The following MYRIP variants were observed in gnomAD, a reference collection of about 807,000 sequenced individuals.
The protein encoded by MYRIP is myosin VIIA and Rab interacting protein, also known as rab effector MyRIP.
In MYRIP, 49 loss-of-function variants were observed where a neutral mutation model predicts 98.0. The ratio of observed to expected loss-of-function variants is 0.50; its 90% confidence interval spans 0.40 to 0.63. The LOEUF (loss-of-function observed/expected upper bound fraction) is 0.63, where lower values mean the gene tolerates loss of function less well. Ranked by LOEUF, MYRIP falls within the 30% of genes least tolerant of loss-of-function variation. The pLI is 0.00. For synonymous variants in MYRIP, 404 were observed against 409.5 expected (o/e 0.99, Z 0.16); for missense variants, 1,004 against 1,058.2 (o/e 0.95, Z 0.71).
intron 3 of MYRIP, among the ~76,000 whole-genome samples, chr3:40,086,020 A>G (rs927375268): frequency 2.0e-5 from 3 of 152,224 alleles, no homozygotes; most frequent in Non-Finnish European, 4.4e-5. Flanking sequence ...ACCACTACAG[A>G]AAGTATATAA....
In MYRIP at chr3:39,877,414, C is replaced by T. The variant is rs570515170; in HGVS notation, c.-30-23373C>T. Among the ~76,000 whole-genome samples the T allele has an allele frequency of 3.5e-3, 532 of 152,076 alleles. 1 individual carries two copies. The highest frequency in any genetic ancestry group is 6.8e-3 in the Middle Eastern group (2 of 294). Reference sequence around the variant, plus strand: ...CTGCGTTCCTTTGGAGGAGGAGAGGCGCTCTGCTTTTTAGAGTTTCCAGTT... The same window carrying T: ...CTGCGTTCCTTTGGAGGAGGAGAGGTGCTCTGCTTTTTAGAGTTTCCAGTT... On this transcript the variant is annotated intron_variant, in intron 1 of 16. Coordinates refer to ENST00000302541, the MANE Select transcript of MYRIP (RefSeq NM_015460.4).
In MYRIP at chr3:40,104,974, C is replaced by A. The variant is rs540848772; in HGVS notation, c.333-46074C>A. ...TCTTCCCTCAGCCCTATCCCACCCC[C>A]TAAAACCATTTTTAACTGTTTCACT... On this transcript the variant is annotated intron_variant, in intron 3 of 16. Coordinates refer to ENST00000302541, the MANE Select transcript of MYRIP (RefSeq NM_015460.4). 2.0e-5 allele frequency among the ~76,000 whole-genome samples: 3 copies of A among 152,216 alleles called. No individual in the cohort carries two copies. In the South Asian group the frequency reaches 6.2e-4, roughly 32 times the overall value.
At chr3:40,119,704 T>C (rs1374807465) in intron 3 of MYRIP, among the ~76,000 whole-genome samples, 2 of 151,606 alleles carry the variant, frequency 1.3e-5, no homozygotes, top group African/African-American at 2.4e-5. Flanking sequence ...CATTCATAGG[T>C]GGGAATTGAA....
chr3:40,034,724 T>C (rs1016783039), intron 2 of MYRIP, among the ~76,000 whole-genome samples: 9 of 151,770 alleles, frequency 5.9e-5, no homozygotes, highest in Admixed American at 5.9e-4. Context: ...CATTACTGGG[T>C]ATATACCCAG....
intron 3 of MYRIP, among the ~76,000 whole-genome samples, chr3:40,056,636 C>T (rs1161332192): frequency 1.3e-5 from 2 of 152,234 alleles, no homozygotes; most frequent in South Asian, 2.1e-4. Flanking sequence ...CATAATTATA[C>T]CACGAGGTAG....
chr3:40,095,657 C>A (rs1044154003), intron 3 of MYRIP, among the ~76,000 whole-genome samples: 1 of 152,098 alleles, frequency 6.6e-6, no homozygotes, highest in African/African-American at 2.4e-5. Flanking sequence ...CAGCCACCCC[C>A]AATGCAGAGA....
At chr3:40,118,690 T>C (rs1949332873) in intron 3 of MYRIP, among the ~76,000 whole-genome samples, 1 of 151,976 alleles carries the variant, frequency 6.6e-6, no homozygotes, top group Admixed American at 6.6e-5. Context: ...GCCATGTTGG[T>C]GTGCTGCACC....
chr3:40,249,034 A>G (rs114717231), intron 13 of MYRIP, among the ~76,000 whole-genome samples: 91 of 152,278 alleles, frequency 6.0e-4, no homozygotes, highest in Non-Finnish European at 1.0e-3. Flanking sequence ...TGACCCTTCA[A>G]TCTTTCTGTG....
At chr3:40,077,574 A>T (rs1948375455) in intron 3 of MYRIP, among the ~76,000 whole-genome samples, 1 of 152,234 alleles carries the variant, frequency 6.6e-6, no homozygotes, top group Non-Finnish European at 1.5e-5. Context: ...CAATTGGTGC[A>T]TTCACAAACC....
intron 1 of MYRIP, among the ~76,000 whole-genome samples, chr3:39,865,863 G>A (rs1018182836): frequency 6.6e-5 from 10 of 152,056 alleles, no homozygotes; most frequent in East Asian, 1.9e-4. Flanking sequence ...ATAAAGACAC[G>A]TACAGGCATA....
chr3:40,135,399 A>C (rs1039115301), intron 3 of MYRIP, among the ~76,000 whole-genome samples: 1 of 152,268 alleles, frequency 6.6e-6, no homozygotes, highest in Non-Finnish European at 1.5e-5. Flanking sequence ...GACCAAATCT[A>C]CATCTGATTG....
intron 1 of MYRIP, among the ~76,000 whole-genome samples, chr3:39,850,783 C>T (rs1371903957): frequency 6.6e-6 from 1 of 152,068 alleles, no homozygotes; most frequent in East Asian, 1.9e-4. Flanking sequence ...TATTGACACA[C>T]TTTTATTACA....
chr3:39,830,792 G>A lies in MYRIP; in HGVS notation c.-31+20876G>A, dbSNP rs554209573. Among the ~76,000 whole-genome samples the A allele has an allele frequency of 5.3e-5, 8 of 151,524 alleles. No homozygotes were observed. The East Asian group carries it at 5.8e-4, about 11-fold the overall frequency. ...TCCCTCTTTAGCTTACTTCCACTCC[G>A]AGCTATGGCTCCCATTTCTTTGCTT... is the stretch of plus-strand genomic sequence containing the variant. On this transcript the variant is annotated intron_variant, in intron 1 of 16. Transcript: ENST00000302541.
intron 12 of MYRIP, among the ~76,000 whole-genome samples, chr3:40,241,857 T>C (rs1953025147): frequency 6.6e-6 from 1 of 152,216 alleles, no homozygotes; most frequent in South Asian, 2.1e-4. Context: ...GGTTATGTTT[T>C]ATAAAGCTAG....
At chr3:39,963,220 A>G (rs1559539381) in intron 2 of MYRIP, among the ~76,000 whole-genome samples, 1 of 152,126 alleles carries the variant, frequency 6.6e-6, no homozygotes, top group African/African-American at 2.4e-5. Flanking sequence ...AGCTGTGCAG[A>G]TTAAATGAGA....
rs187202199 is a variant in MYRIP, at chr3:40,183,919, A to T, written c.1027+1546A>T. Among the ~76,000 whole-genome samples, 10 of 152,374 alleles carry T rather than the reference A, an allele frequency of 6.6e-5. 1 individual carries two copies. The highest frequency in any genetic ancestry group is 2.1e-4 in the South Asian group (1 of 4,828). On this transcript the variant is annotated intron_variant, in intron 9 of 16. Transcript: ENST00000302541. ...AAAATCCATTGTTACGACAGTGCAA[A>T]GAATCAGAAAACATTAAATATTTTT...
intron 11 of MYRIP, among the ~76,000 whole-genome samples, chr3:40,232,318 T>C (rs1293788361): frequency 1.3e-5 from 2 of 152,362 alleles, no homozygotes; most frequent in South Asian, 2.1e-4. Context: ...TGCCTCAGTG[T>C]AGAAGCCCAG....
chr3:40,185,944 C>T (rs539739275), intron 9 of MYRIP, among the ~76,000 whole-genome samples: 13 of 152,108 alleles, frequency 8.5e-5, no homozygotes, highest in South Asian at 4.1e-4. Context: ...CAGGATGAGA[C>T]GCAAAGTTGG....
intron 4 of MYRIP, among the ~76,000 whole-genome samples, chr3:40,151,880 C>G (rs778255778): frequency 2.0e-5 from 3 of 152,028 alleles, no homozygotes; most frequent in Admixed American, 6.5e-5. Context: ...GCTTTTTATC[C>G]ATGAGAAACA....
Sources: gnomAD v4.1 joint callset for allele counts (sites outside exome capture counted in the v4.1 genomes callset) on GRCh38, gnomAD v4.1.1 for gene constraint, MANE v1.5 for transcripts, NCBI Gene and HGNC (gene_info 2026-07-23, HGNC 2026-07-21) for gene names.